ARHGEF40: variants seen among roughly 807,000 people sequenced by gnomAD.
ARHGEF40 encodes the protein Rho guanine nucleotide exchange factor (GEF) 40.
In ARHGEF40, 98 loss-of-function variants were observed where a neutral mutation model predicts 165.9. That is an observed-to-expected ratio of 0.59 (90% CI 0.50 to 0.70). The LOEUF is 0.70. Among genes scored for constraint, ARHGEF40 ranks in the 30% least tolerant of loss-of-function variants. ARHGEF40 has a pLI of 0.00. For missense variants in ARHGEF40, 1,815 were observed against 1,968.0 expected (o/e 0.92, Z 1.47); for synonymous variants, 792 against 814.3 (o/e 0.97, Z 0.47).
At position 21,073,249 on chromosome 14, in the gene ARHGEF40, G is replaced by A. The variant is rs1189948593; in HGVS notation, c.201+7G>A. ...GGTCCAGCAGGAAGCCTGTGTGAGT[G>A]GCCGTGCATCACTATTCTGCCTTCC... On this transcript the variant is annotated splice_region_variant and intron_variant, in intron 2 of 23. Transcript: ENST00000298694. The surrounding 1 kb of genome is among the most constrained non-coding windows in gnomAD (Gnocchi z 4.6). 1.3e-6 allele frequency: 2 copies of A among 1,596,138 alleles called. No homozygotes were observed. The highest frequency in any genetic ancestry group is 8.5e-7 in the Non-Finnish European group (1 of 1,171,794).
chr14:21,081,747 C>G lies in ARHGEF40; in HGVS notation c.2879C>G (p.Ala960Gly), dbSNP rs1178359639. 1.3e-6 allele frequency: 2 copies of G among 1,579,976 alleles called. No individual in the cohort carries two copies. Among genetic ancestry groups the G allele is most frequent in the South Asian group, 1.1e-5 (1 of 87,944 alleles). The change falls in exon 14 of 24, where the codon GCG becomes GGG. Residue 960 changes from alanine (A) to glycine (G), a missense_variant. Coordinates refer to ENST00000298694, the MANE Select transcript of ARHGEF40 (RefSeq NM_018071.5). ...RRIQQHVGEE[A>G]SPRGYRRRRA... ...ATCCAGCAACACGTGGGAGAGGAGG[C>G]GAGCCCACGGGGCTACCGACGACGG...
At chr14:21,077,279 A>ATTTTTTTTT (rs143561266) in intron 8 of ARHGEF40, among the ~76,000 whole-genome samples, 6 of 108,498 alleles carry the variant, frequency 5.5e-5, no homozygotes, top group Non-Finnish European at 7.4e-5. Flanking sequence ...TAGTTTTTGT[A>ATTTTTTTTT]TTTTTTTTTT....
intron 19 of ARHGEF40, chr14:21,086,120 A>T (rs1451503677): frequency 9.4e-6 from 4 of 427,800 alleles, no homozygotes; most frequent in Non-Finnish European, 1.7e-5. Context: ...TCATGCCTGT[A>T]ATCCCAGCGC....
intron 19 of ARHGEF40, 94 bp from the exon 20 acceptor site, chr14:21,086,907 G>GA (rs768361533): frequency 0.079 from 55,686 of 705,850 alleles, 15 homozygotes; most frequent in East Asian, 0.11. Context: ...GGGAAGGAAC[G>GA]AAAAAAAAAA....
At chr14:21,062,288 C>T in the ARHGEF40 span, among the ~76,000 whole-genome samples, 5 of 152,204 alleles carry the variant, frequency 3.3e-5, no homozygotes, top group Admixed American at 6.5e-5. Context: ...TTATATTTTC[C>T]GGTGTTAATA....
At position 21,084,801 on chromosome 14, in the gene ARHGEF40, G is replaced by A; in HGVS notation, c.3838G>A (p.Val1280Ile). 1.9e-6 allele frequency: 3 copies of A among 1,614,182 alleles called. No individual in the cohort carries two copies. The highest frequency in any genetic ancestry group is 2.5e-6 in the Non-Finnish European group (3 of 1,180,038). ...GQLLHRDPFT[V>I]ICGRKKCLRH... is the part of the protein sequence containing the mutation. The stretch of plus-strand genomic sequence containing the variant: ...GCTCTTGCATCGAGACCCCTTCACT[G>A]TCATCTGTGGCCGAAAGAAGTGCCT... Residue 1280 changes from valine to isoleucine, a missense_variant, in exon 18 of 24, where the codon GTC becomes ATC. Val to Ile is a conservative substitution (Grantham distance 29). Coordinates refer to ENST00000298694, the MANE Select transcript of ARHGEF40 (RefSeq NM_018071.5).
chr14:21,076,681 A>AG, intron 7 of ARHGEF40, 38 bp downstream of exon 7: 1 of 1,518,558 alleles, frequency 6.6e-7, no homozygotes, highest in South Asian at 1.1e-5. Flanking sequence ...TCCCATCAGT[A>AG]GTGGGGAGAG....
In ARHGEF40 at chr14:21,070,318, A is replaced by C. The variant is rs1052845231; in HGVS notation, c.-79A>C. 1.6e-5 allele frequency: 22 copies of C among 1,382,740 alleles called. No individual in the cohort carries two copies. The highest frequency in any genetic ancestry group is 3.2e-5 in the Admixed American group (1 of 31,090). The allele number at this position is 1,382,740 out of a possible 1,614,324, so 85.7% of individuals were successfully genotyped here. The stretch of plus-strand genomic sequence containing the variant: ...GTCCCTTAGCCAGACCCGGCGAGAC[A>C]CGAGCGGCGGGAGGGAGGCGGTGGC... On this transcript the variant is annotated 5_prime_UTR_variant, in exon 1 of 24. Transcript: ENST00000298694. This position sits in a 1 kb window ranked among gnomAD's most constrained non-coding sequence, Gnocchi z 4.7.
chr14:21,084,743 C>T lies in ARHGEF40; in HGVS notation c.3790-10C>T. 1 of 1,607,766 alleles carries T rather than the reference C, an allele frequency of 6.2e-7. No homozygotes were observed. Among genetic ancestry groups the T allele is most frequent in the South Asian group, 1.1e-5 (1 of 90,010 alleles). ...CCTGGGCCAACCACTTTTCCTTTTC[C>T]TTTCTCCAGATAGATCTGAAGGAGC... On this transcript the variant is annotated splice_polypyrimidine_tract_variant and intron_variant, in intron 17 of 23. Coordinates refer to ENST00000298694, the MANE Select transcript of ARHGEF40 (RefSeq NM_018071.5).
rs1888676440 is a variant in ARHGEF40 at position 21,089,813 on chromosome 14, C to T, written c.*805C>T. On this transcript the variant is annotated 3_prime_UTR_variant, in exon 24 of 24. Transcript: ENST00000298694. ...TCCTTGAGGCTGAACTGGTCACAGACAAACTGGGATCCAGCACAGTCCAGC... is the reference window on the plus strand; with the variant it reads ...TCCTTGAGGCTGAACTGGTCACAGATAAACTGGGATCCAGCACAGTCCAGC... The T allele has an allele frequency of 6.4e-6, 1 of 156,464 alleles. No individual in the cohort carries two copies. Among genetic ancestry groups the T allele is most frequent in the Non-Finnish European group, 1.4e-5 (1 of 70,774 alleles). 9.7% of individuals were successfully genotyped at this position (156,464 alleles called of 1,614,324 possible).
chr14:21,081,970 T>TGGAG lies in ARHGEF40; in HGVS notation c.3103_3104insGAGG (p.Val1035GlyfsTer13). ...AAGCAGAGGGCAGGCCCCCAAGAGCTGTGCTGATCCGAGGCCTGGAGGTCA... is the reference window on the plus strand; with the variant it reads ...AAGCAGAGGGCAGGCCCCCAAGAGCTGGAGGTGCTGATCCGAGGCCTGGAGGTCA... On this transcript the variant is annotated frameshift_variant, in exon 14 of 24. Coordinates refer to ENST00000298694, the MANE Select transcript of ARHGEF40 (RefSeq NM_018071.5). LOFTEE classifies it high-confidence loss of function. The TGGAG allele has an allele frequency of 6.3e-7, 1 of 1,597,702 alleles. No homozygotes were observed. Among genetic ancestry groups the TGGAG allele is most frequent in the African/African-American group, 1.3e-5 (1 of 74,658 alleles).
Position 21,081,024 on chromosome 14 carries a change from C to T in ARHGEF40, c.2640+8C>T, listed in dbSNP as rs1485805184. 6.2e-7 allele frequency: 1 copy of T among 1,609,370 alleles called. No individual in the cohort carries two copies. The highest frequency in any genetic ancestry group is 2.2e-5 in the East Asian group (1 of 44,770). On this transcript the variant is annotated splice_region_variant and intron_variant, in intron 13 of 23. Transcript: ENST00000298694. ...CAGCGCTTCTTCCAGCAGGTGCATG[C>T]AGAGCCTTTTCCTTCTGTGCCCCCC...
Position 21,078,216 on chromosome 14 carries a change from G to A in ARHGEF40, c.2074G>A (p.Gly692Ser). The A allele has an allele frequency of 6.2e-7, 1 of 1,614,120 alleles. No individual in the cohort carries two copies. Among genetic ancestry groups the A allele is most frequent in the Non-Finnish European group, 8.5e-7 (1 of 1,180,012 alleles). Residue 692 changes from glycine to serine, a missense_variant, in exon 9 of 24, where the codon GGC (glycine) becomes AGC (serine). Transcript: ENST00000298694. ...ATGTCGCCTGTGCCAAGGTGTGCTG[G>A]GCTCGGTACGGCAGGCCATTGAGGA... The part of the protein sequence containing the change: ...RLCRLCQGVL[G>S]SVRQAIEELE...
At chr14:21,085,041 G>T in intron 18 of ARHGEF40, 118 bp downstream of exon 18, 1 of 1,308,866 alleles carries the variant, frequency 7.6e-7, no homozygotes, top group Non-Finnish European at 1.1e-6. Flanking sequence ...TCTAGAATAG[G>T]CTTTGGCTTG....
intron 21 of ARHGEF40, 76 bp downstream of exon 21, chr14:21,087,539 A>C: frequency 6.4e-7 from 1 of 1,558,862 alleles, no homozygotes; most frequent in African/African-American, 1.4e-5. Context: ...CTGCTGAGCA[A>C]TTCCTTTTTC....
chr14:21,073,474 A>C lies in ARHGEF40; in HGVS notation c.201+232A>C, dbSNP rs908214744. 1.3e-5 allele frequency among the ~76,000 whole-genome samples: 2 copies of C among 151,170 alleles called. No individual in the cohort carries two copies. The highest frequency in any genetic ancestry group is 3.0e-5 in the Non-Finnish European group (2 of 67,780). On this transcript the variant is annotated intron_variant, in intron 2 of 23. Coordinates refer to ENST00000298694, the MANE Select transcript of ARHGEF40 (RefSeq NM_018071.5). This position sits in a 1 kb window ranked among gnomAD's most constrained non-coding sequence, Gnocchi z 4.6. ...CACACACACACATTCATCTTCCCCA[A>C]ATTCATCTTGACCCCAATACTGACC...
chr14:21,083,568 A>G (rs1228011972), intron 16 of ARHGEF40, among the ~76,000 whole-genome samples: 10 of 152,196 alleles, frequency 6.6e-5, no homozygotes, highest in Admixed American at 6.5e-4. Flanking sequence ...AGAAGAAAAG[A>G]AAAGAAAAGT....
intron 10 of ARHGEF40, 64 bp from the exon 11 acceptor site, chr14:21,078,820 C>A: frequency 6.3e-7 from 1 of 1,580,580 alleles, no homozygotes; most frequent in Non-Finnish European, 8.7e-7. Context: ...CTCAGAGGCA[C>A]GGAAGGACAG....
At chr14:21,071,254 G>A (rs1338499191) in intron 1 of ARHGEF40, among the ~76,000 whole-genome samples, 1 of 152,140 alleles carries the variant, frequency 6.6e-6, no homozygotes, top group Non-Finnish European at 1.5e-5. Context: ...CACTGCCCTG[G>A]GAACTTTCAC....
Sources: gnomAD v4.1 joint callset for allele counts (sites outside exome capture counted in the v4.1 genomes callset) on GRCh38, gnomAD v4.1.1 for gene constraint, Gnocchi (gnomAD v3.1) non-coding constraint, MANE v1.5 for transcripts, NCBI Gene and HGNC (gene_info 2026-07-23, HGNC 2026-07-21) for gene names.